FREM1: variants seen among roughly 807,000 people sequenced by gnomAD.
The protein encoded by FREM1 is FRAS1 related extracellular matrix 1, also known as FRAS1-related extracellular matrix protein 1.
A neutral mutation model predicts 210.1 loss-of-function variants in FREM1; 220 were observed. That is an observed-to-expected ratio of 1.05 (90% CI 0.94 to 1.17). The LOEUF (loss-of-function observed/expected upper bound fraction) is 1.17. Ranked by LOEUF, FREM1 falls within the 50% of genes most tolerant of loss-of-function variation. FREM1 has a pLI of 0.00. For synonymous variants in FREM1, 1,189 were observed against 980.2 expected, an observed-to-expected ratio of 1.21 and a Z score of -3.98; for missense variants, 3,454 against 2,675.5, an observed-to-expected ratio of 1.29 and a Z score of -6.42.
At chr9:14,839,226 G>T (rs1825191219) in intron 10 of FREM1, among the ~76,000 whole-genome samples, 1 of 152,198 alleles carries the variant, frequency 6.6e-6, no homozygotes. Context: ...TCGTCAAGCA[G>T]ATTTAGTAAA....
chr9:14,843,111 T>C (rs1179056123), intron 8 of FREM1, among the ~76,000 whole-genome samples: 1 of 152,190 alleles, frequency 6.6e-6, no homozygotes, highest in Non-Finnish European at 1.5e-5. Flanking sequence ...ATAGACTGAA[T>C]AGAACAAAAA....
intron 1 of FREM1, among the ~76,000 whole-genome samples, chr9:14,886,475 A>AACC (rs551237135): frequency 8.5e-5 from 13 of 152,170 alleles, no homozygotes; most frequent in African/African-American, 3.1e-4. Context: ...CTTCAGGATG[A>AACC]ACCCACCCAA....
At chr9:14,824,750 T>C (rs1264728903) in intron 11 of FREM1, 46 bp downstream of exon 11, 1 of 1,357,958 alleles carries the variant, frequency 7.4e-7, no homozygotes, top group Non-Finnish European at 1.0e-6. Flanking sequence ...CACTTTCAAC[T>C]TTGCAATCCT....
chr9:14,862,826 T>C (rs1830819609), intron 3 of FREM1, among the ~76,000 whole-genome samples: 1 of 152,208 alleles, frequency 6.6e-6, no homozygotes, highest in South Asian at 2.1e-4. Flanking sequence ...CGTTGTTTTT[T>C]TATGGCTGAA....
At chr9:14,746,308 T>C (rs41265300) in intron 35 of FREM1, 45 bp downstream of exon 35, 53 of 1,339,038 alleles carry the variant, frequency 4.0e-5, no homozygotes, top group Non-Finnish European at 4.9e-5. Flanking sequence ...AATAGAGAAA[T>C]AGAGAAAAGA....
intron 17 of FREM1, among the ~76,000 whole-genome samples, chr9:14,807,478 G>A (rs1588104299): frequency 6.6e-6 from 1 of 152,100 alleles, no homozygotes; most frequent in East Asian, 1.9e-4. Flanking sequence ...CCTATGAAAA[G>A]ATGACTTTCT....
chr9:14,780,413 T>A (rs573058821), intron 24 of FREM1, among the ~76,000 whole-genome samples: 1 of 99,442 alleles, frequency 1.0e-5, no homozygotes. Flanking sequence ...AATGGAATCA[T>A]AAATAGCGCC....
chr9:14,792,047 G>A (rs1211937472), intron 22 of FREM1, among the ~76,000 whole-genome samples: 4 of 152,158 alleles, frequency 2.6e-5, no homozygotes, highest in African/African-American at 4.8e-5. Flanking sequence ...GTTTCACCAC[G>A]TTGGCCAGGA....
chr9:14,769,407 C>A (rs768026540), intron 27 of FREM1, among the ~76,000 whole-genome samples: 1 of 152,158 alleles, frequency 6.6e-6, no homozygotes, highest in African/African-American at 2.4e-5. Context: ...CATGAACCTG[C>A]AAACTCAGTG....
chr9:14,848,839 T>C, intron 6 of FREM1, 66 bp from the exon 7 acceptor site: 1 of 958,066 alleles, frequency 1.0e-6, no homozygotes, highest in Non-Finnish European at 1.7e-6. Flanking sequence ...GCATTAATTC[T>C]GGGTTATACC....
chr9:14,820,975 A>T (rs10961732), intron 13 of FREM1, among the ~76,000 whole-genome samples: 1 of 152,070 alleles, frequency 6.6e-6, no homozygotes, highest in Non-Finnish European at 1.5e-5. Context: ...GCTTTGCTAC[A>T]TTAGGTGATT....
Position 14,841,488 on chromosome 9 carries a change from G to T in FREM1, c.1840C>A (p.Leu614Met). The T allele has an allele frequency of 6.2e-7, 1 of 1,611,440 alleles. No individual in the cohort carries two copies. The highest frequency in any genetic ancestry group is 8.5e-7 in the Non-Finnish European group (1 of 1,178,254). Reference protein sequence around the residue: ...EIFEDSFQFVLWDSHEPPNLS... With the variant: ...EIFEDSFQFVMWDSHEPPNLS... Reference sequence around the variant, plus strand: ...TTTGGAGGTTCATGGCTGTCCCACAGGACAAATTGAAAAGAATCTTCAAAG... The same window carrying T: ...TTTGGAGGTTCATGGCTGTCCCACATGACAAATTGAAAAGAATCTTCAAAG... The change falls in exon 10 of 37, where the codon CTG becomes ATG. Residue 614 changes from leucine to methionine, a missense_variant. Leu to Met is a conservative substitution (Grantham distance 15, BLOSUM62 2). Transcript: ENST00000380880.
chr9:14,850,345 C>T (rs1384443103), intron 6 of FREM1: 2 of 148,662 alleles, frequency 1.3e-5, no homozygotes, highest in Non-Finnish European at 2.9e-5. Flanking sequence ...ATCCTGAGTC[C>T]GTGTTATTAA....
intron 24 of FREM1, 180 bp downstream of exon 24, chr9:14,784,189 CT>C (rs1465647504): frequency 1.9e-6 from 1 of 517,970 alleles, no homozygotes; most frequent in Non-Finnish European, 3.2e-6. Context: ...TCATTTTTTT[CT>C]CCTTTTCTTT....
At chr9:14,754,557 G>A (rs1421088303) in intron 29 of FREM1, among the ~76,000 whole-genome samples, 1 of 152,096 alleles carries the variant, frequency 6.6e-6, no homozygotes, top group Non-Finnish European at 1.5e-5. Flanking sequence ...TTGGAACTAG[G>A]GTAATTACAG....
At chr9:14,802,799 C>A (rs1269154858) in intron 19 of FREM1, among the ~76,000 whole-genome samples, 2 of 152,136 alleles carry the variant, frequency 1.3e-5, no homozygotes, top group African/African-American at 4.8e-5. Flanking sequence ...CAACCCAAGT[C>A]AGGTAAGACT....
intron 5 of FREM1, 62 bp from the exon 6 acceptor site, chr9:14,851,669 G>A (rs141931516): frequency 7.6e-5 from 92 of 1,217,374 alleles, no homozygotes; most frequent in Middle Eastern, 1.9e-4. Context: ...TATCATACAG[G>A]GCTAATAGCA....
At chr9:14,819,155 C>G (rs1044248859) in intron 14 of FREM1, 79 bp downstream of exon 14, 2 of 1,019,544 alleles carry the variant, frequency 2.0e-6, no homozygotes, top group African/African-American at 3.2e-5. Context: ...GGACAAACTT[C>G]TTTCTCTTAC....
chr9:14,806,952 C>A, intron 17 of FREM1, 106 bp from the exon 18 acceptor site: 1 of 582,002 alleles, frequency 1.7e-6, no homozygotes, highest in South Asian at 3.6e-5. Context: ...AAGCCTCCCA[C>A]GTGCAAAAAC....
Sources: allele counts gnomAD v4.1 joint callset (sites outside exome capture counted in the v4.1 genomes callset), GRCh38; gene constraint gnomAD v4.1.1; transcripts MANE v1.5; gene names NCBI Gene and HGNC (gene_info 2026-07-23, HGNC 2026-07-21).